Variants in PRKD3 observed in about 807,000 individuals in gnomAD.
The protein encoded by PRKD3 is protein kinase D3, also known as serine/threonine-protein kinase D3.
PRKD3 carries 47 observed loss-of-function variants against 99.2 expected under a neutral mutation model. The ratio of observed to expected loss-of-function variants is 0.47; its 90% CI spans 0.38 to 0.60. PRKD3 has a LOEUF of 0.60. PRKD3 is among the 20% of genes least tolerant of loss of function. The probability of loss-of-function intolerance (pLI) is 0.00; values close to 1 mark genes in which losing one functional copy is unlikely to be tolerated. For synonymous variants in PRKD3, 392 were observed against 355.4 expected (o/e 1.10, Z -1.16); for missense variants, 1,019 against 1,088.4 (o/e 0.94, Z 0.90).
intron 16 of PRKD3, among the ~76,000 whole-genome samples, chr2:37,257,931 G>C (rs1006756266): frequency 6.6e-6 from 1 of 152,156 alleles, no homozygotes; most frequent in African/African-American, 2.4e-5. Context: ...TATGTAAAGG[G>C]AGCCATAGTC....
rs768239879 is a variant in PRKD3, at chr2:37,275,790, C to T, written c.1351G>A (p.Glu451Lys). ...DSKCLTLFQN[E>K]SGSKYYKEIP... ...ACCTTATAATACTTTGATCCAGATT[C>T]ATTCTGAAATAATGTTAGACATTTG... The change falls in exon 10 of 19, where the codon GAA becomes AAA. Residue 451 changes from glutamate (E) to lysine (K), a missense_variant. Glu to Lys is a moderately conservative substitution (Grantham distance 56). Around this residue, in one of 3 missense-constraint regions of PRKD3, gnomAD observed 710 missense variants for 692.7 expected, o/e 1.02. Transcript: ENST00000234179. The T allele has an allele frequency of 6.2e-7, 1 of 1,609,718 alleles. No homozygotes were observed. Among genetic ancestry groups the T allele is most frequent in the Non-Finnish European group, 8.5e-7 (1 of 1,178,028 alleles).
intron 2 of PRKD3, among the ~76,000 whole-genome samples, chr2:37,302,438 A>C (rs1273925778): frequency 6.6e-6 from 1 of 152,230 alleles, no homozygotes; most frequent in Non-Finnish European, 1.5e-5. Flanking sequence ...TTAAAAAATA[A>C]TCTTTCTATA....
intron 2 of PRKD3, among the ~76,000 whole-genome samples, chr2:37,306,297 T>G (rs1209549348): frequency 6.6e-6 from 1 of 152,206 alleles, no homozygotes; most frequent in Non-Finnish European, 1.5e-5. Flanking sequence ...CAGATTTGTC[T>G]GCCTTCTGCA....
intron 9 of PRKD3, among the ~76,000 whole-genome samples, chr2:37,277,634 T>C (rs1253941358): frequency 6.6e-6 from 1 of 152,206 alleles, no homozygotes; most frequent in Admixed American, 6.5e-5. Context: ...CAATCCCAGA[T>C]CCTTTTTGAA....
At position 37,272,403 on chromosome 2, in the gene PRKD3, T is replaced by C. The variant is rs779459587; in HGVS notation, c.1681A>G (p.Asn561Asp). Reference sequence around the variant, plus strand: ...ACCACATTCTCCTGAATCTGACAATTAGATACAGAGATACTTGTAGACAAA... The same window carrying C: ...ACCACATTCTCCTGAATCTGACAATCAGATACAGAGATACTTGTAGACAAA... ...KDLSTSISVS[N>D]CQIQENVDIS... is the part of the protein sequence containing the mutation. The change falls in exon 12 of 19, where the codon AAT becomes GAT. Residue 561 changes from asparagine (N) to aspartate (D), a missense_variant. This residue lies in a region of PRKD3 where 710 missense variants were observed against 692.7 expected (regional missense o/e 1.02). Transcript: ENST00000234179. 3.7e-6 allele frequency: 6 copies of C among 1,607,498 alleles called. No individual in the cohort carries two copies. The highest frequency in any genetic ancestry group is 3.4e-5 in the South Asian group (3 of 89,320).
chr2:37,317,102 T>C lies in PRKD3; in HGVS notation c.-578A>G. On this transcript the variant is annotated 5_prime_UTR_variant, in exon 2 of 19. Transcript: ENST00000234179. ...TTTTCTATGACGAAATACAAAGCTT[T>C]TTAAAATAGTACAGGCATATTTCAT... The C allele has an allele frequency of 2.0e-6, 2 of 985,588 alleles. No individual in the cohort carries two copies. The highest frequency in any genetic ancestry group is 2.4e-6 in the Non-Finnish European group (2 of 830,044). 61.1% of individuals were successfully genotyped at this position (985,588 alleles called of 1,614,324 possible).
intron 13 of PRKD3, chr2:37,268,531 A>G (rs1572634724): frequency 5.8e-6 from 2 of 344,104 alleles, no homozygotes; most frequent in East Asian, 1.7e-4. Flanking sequence ...ACAATAATGT[A>G]AACCCAAAGG....
intron 3 of PRKD3, among the ~76,000 whole-genome samples, chr2:37,292,072 C>A (rs1285159544): frequency 2.0e-5 from 3 of 152,080 alleles, no homozygotes; most frequent in Non-Finnish European, 4.4e-5. Flanking sequence ...AGGGAAAGAG[C>A]ATTTTTAATT....
chr2:37,298,500 T>C (rs1435171008), intron 2 of PRKD3, among the ~76,000 whole-genome samples: 1 of 152,158 alleles, frequency 6.6e-6, no homozygotes, highest in Non-Finnish European at 1.5e-5. Context: ...CCTCAGTTTT[T>C]CCATCTGTAA....
chr2:37,291,635 A>G (rs542471420), intron 3 of PRKD3, among the ~76,000 whole-genome samples: 2 of 152,334 alleles, frequency 1.3e-5, no homozygotes, highest in East Asian at 3.9e-4. Flanking sequence ...GAGGGCAAGG[A>G]TTGGGAAATA....
In PRKD3 at chr2:37,256,843, G is replaced by C; in HGVS notation, c.2232C>G (p.Ala744=). The C allele has an allele frequency of 6.2e-7, 1 of 1,613,770 alleles. No homozygotes were observed. The highest frequency in any genetic ancestry group is 8.5e-7 in the Non-Finnish European group (1 of 1,179,922). The change falls in exon 17 of 19, where the codon GCC becomes GCG. Residue 744 remains alanine, a synonymous_variant. Coordinates refer to ENST00000234179, the MANE Select transcript of PRKD3 (RefSeq NM_005813.6). The part of the protein sequence containing the change: ...RSVVGTPAYL[A]PEVLRSKGYN... ...AACCTTTGCTCCGGAGAACTTCAGG[G>C]GCTAAGTATGCTGGAGTTCCTACCA...
At chr2:37,311,616 C>G (rs1038592282) in intron 2 of PRKD3, among the ~76,000 whole-genome samples, 2 of 152,192 alleles carry the variant, frequency 1.3e-5, no homozygotes, top group African/African-American at 4.8e-5. Context: ...AACCTATAAT[C>G]AGCTGCAGAC....
rs1244168548 is a variant in PRKD3 at position 37,253,295 on chromosome 2, T to A, written c.2555A>T (p.Tyr852Phe). 6.2e-7 allele frequency: 1 copy of A among 1,613,132 alleles called. No homozygotes were observed. Among genetic ancestry groups the A allele is most frequent in the African/African-American group, 1.3e-5 (1 of 74,908 alleles). ...REFETRIGER[Y>F]ITHESDDARW... ...AGCATCATCACTTTCATGTGTAATG[T>A]AACGTTCTCCAATGCGAGTTTCAAA... Residue 852 changes from tyrosine to phenylalanine, a missense_variant, in exon 19 of 19, where the codon TAC becomes TTC. Coordinates refer to ENST00000234179, the MANE Select transcript of PRKD3 (RefSeq NM_005813.6).
chr2:37,292,521 T>C (rs1358053613), intron 3 of PRKD3, among the ~76,000 whole-genome samples: 1 of 152,126 alleles, frequency 6.6e-6, no homozygotes. Context: ...ATTTTTTTTG[T>C]ATTTTTAGTA....
At chr2:37,277,412 A>G (rs553714044) in intron 9 of PRKD3, among the ~76,000 whole-genome samples, 12 of 152,252 alleles carry the variant, frequency 7.9e-5, no homozygotes, top group African/African-American at 2.9e-4. Context: ...CTTCAAATCT[A>G]TTGTCTTTCT....
At chr2:37,261,673 G>C (rs1454433140) in intron 14 of PRKD3, among the ~76,000 whole-genome samples, 1 of 152,120 alleles carries the variant, frequency 6.6e-6, no homozygotes, top group Non-Finnish European at 1.5e-5. Flanking sequence ...CCAGCTACTC[G>C]GGAGGCTGAG....
intron 2 of PRKD3, among the ~76,000 whole-genome samples, chr2:37,304,984 G>C (rs1250123333): frequency 2.0e-5 from 3 of 152,080 alleles, no homozygotes. Context: ...TCCAGTTTGA[G>C]CTTTCAGATT....
intron 2 of PRKD3, among the ~76,000 whole-genome samples, chr2:37,303,202 G>A (rs1047437419): frequency 5.9e-5 from 9 of 151,946 alleles, no homozygotes; most frequent in Non-Finnish European, 8.8e-5. Context: ...TGCCCGTCCC[G>A]TCCCCTCTCC....
intron 1 of PRKD3, among the ~76,000 whole-genome samples, chr2:37,317,467 A>G (rs1469565908): frequency 7.5e-6 from 1 of 133,260 alleles, no homozygotes; most frequent in Non-Finnish European, 1.5e-5. Flanking sequence ...TGAAGACCAA[A>G]CACTTCTATG....
Sources: allele counts gnomAD v4.1 joint callset (sites outside exome capture counted in the v4.1 genomes callset), GRCh38; gene constraint gnomAD v4.1.1; regional missense constraint gnomAD v4.1.1; transcripts MANE v1.5; gene names NCBI Gene and HGNC (gene_info 2026-07-23, HGNC 2026-07-21).